Variants in PAPPA observed in about 807,000 individuals in gnomAD.
PAPPA encodes pappalysin-1.
PAPPA carries 60 observed loss-of-function variants against 164.0 expected under a neutral mutation model. The ratio of observed to expected loss-of-function variants is 0.37; its 90% CI spans 0.30 to 0.45. PAPPA has a LOEUF of 0.45. Ranked by LOEUF, PAPPA falls within the 20% of genes least tolerant of loss-of-function variation. PAPPA has a pLI of 1.00. For missense variants in PAPPA, 1,782 were observed against 2,087.3 expected, an observed-to-expected ratio of 0.85 and a Z score of 2.85; for synonymous variants, 875 against 814.1, an observed-to-expected ratio of 1.07 and a Z score of -1.27.
chr9:116,170,874 AG>A (rs1843768686), intron 1 of PAPPA, among the ~76,000 whole-genome samples: 1 of 114,184 alleles, frequency 8.8e-6, no homozygotes. Context: ...TGCCGCTGTG[AG>A]TTCTTAAAAA....
At chr9:116,207,733 CT>C (rs1564184248) in intron 3 of PAPPA, 132 bp downstream of exon 3, 1 of 648,114 alleles carries the variant, frequency 1.5e-6, no homozygotes, top group Non-Finnish European at 2.3e-6. Flanking sequence ...TTATTTATCA[CT>C]TTTTAATTTA....
intron 14 of PAPPA, among the ~76,000 whole-genome samples, chr9:116,346,132 A>G (rs1300707875): frequency 6.6e-6 from 1 of 151,982 alleles, no homozygotes; most frequent in Non-Finnish European, 1.5e-5. Flanking sequence ...AAGAGGGAAA[A>G]TGTCCTTTGC....
At chr9:116,222,165 C>G (rs950717077) in intron 5 of PAPPA, among the ~76,000 whole-genome samples, 1 of 152,184 alleles carries the variant, frequency 6.6e-6, no homozygotes, top group Admixed American at 6.5e-5. Flanking sequence ...GAGATTGCTA[C>G]ACTCCCATGT....
chr9:116,204,895 T>TG (rs1192744733), intron 2 of PAPPA, among the ~76,000 whole-genome samples: 1 of 150,048 alleles, frequency 6.7e-6, no homozygotes, highest in Non-Finnish European at 1.5e-5. Context: ...TTGACAAAAG[T>TG]GAAAAAAAAA....
chr9:116,199,319 G>C (rs115036752), intron 2 of PAPPA, among the ~76,000 whole-genome samples: 1 of 152,188 alleles, frequency 6.6e-6, no homozygotes, highest in Non-Finnish European at 1.5e-5. Context: ...AATAAAGGGG[G>C]CTTTGATATG....
chr9:116,239,837 T>A (rs1367068861), intron 7 of PAPPA, among the ~76,000 whole-genome samples: 1 of 152,102 alleles, frequency 6.6e-6, no homozygotes, highest in Non-Finnish European at 1.5e-5. Flanking sequence ...AAGCTCTAAA[T>A]ATAGCAAGGG....
In PAPPA at chr9:116,157,395, A is replaced by G. The variant is rs556354542; in HGVS notation, c.415+2808A>G. Among the ~76,000 whole-genome samples the G allele has an allele frequency of 2.6e-5, 4 of 152,320 alleles. No individual in the cohort carries two copies. In the East Asian group the frequency reaches 7.7e-4, roughly 29 times the overall value. On this transcript the variant is annotated intron_variant, in intron 1 of 21. Coordinates refer to ENST00000328252, the MANE Select transcript of PAPPA (RefSeq NM_002581.5). The stretch of plus-strand genomic sequence containing the variant: ...GAAAGGAAAGGAGAAAAATATATAT[A>G]CTAATACATAAAAAAAGGGAAGGCT...
chr9:116,315,517 GCTTC>G (rs1309277393), intron 10 of PAPPA, among the ~76,000 whole-genome samples: 1 of 152,238 alleles, frequency 6.6e-6, no homozygotes, highest in Non-Finnish European at 1.5e-5. Context: ...GTAGGAAACA[GCTTC>G]TGGAGGCTGA....
At chr9:116,173,586 A>G (rs1268257911) in intron 1 of PAPPA, among the ~76,000 whole-genome samples, 3 of 152,180 alleles carry the variant, frequency 2.0e-5, no homozygotes, top group Admixed American at 1.3e-4. Context: ...CAGCCATTGT[A>G]CTTCATTTCC....
chr9:116,179,625 A>G (rs1358734232), intron 1 of PAPPA, among the ~76,000 whole-genome samples: 1 of 152,068 alleles, frequency 6.6e-6, no homozygotes, highest in African/African-American at 2.4e-5. Context: ...TCCCCCAGGT[A>G]CCCTCCTCGG....
chr9:116,383,050 G>A (rs1053835342), intron 21 of PAPPA, among the ~76,000 whole-genome samples: 3 of 152,188 alleles, frequency 2.0e-5, no homozygotes, highest in Non-Finnish European at 4.4e-5. Flanking sequence ...TAGAATTAGA[G>A]AAAGATGGTC....
In PAPPA at chr9:116,344,569, C is replaced by G. The variant is rs1846182093; in HGVS notation, c.3638C>G (p.Thr1213Ser). 5 of 1,613,706 alleles carry G rather than the reference C, an allele frequency of 3.1e-6. No individual in the cohort carries two copies. The highest frequency in any genetic ancestry group is 2.2e-5 in the South Asian group (2 of 91,070). Residue 1213 changes from threonine to serine, a missense_variant, in exon 14 of 22, where the codon ACT (threonine) becomes AGT (serine). By Grantham distance (58) the Thr-to-Ser change is moderately conservative. Around this residue, in one of 2 missense-constraint regions of PAPPA, gnomAD observed 1,324 missense variants for 1,656.9 expected, o/e 0.80. Transcript: ENST00000328252. ...TGCGTGCACTTCGCATGTGAGAAAACTGACTGTCCAGAGCTGGCTGTGGAG... is the reference window on the plus strand; with the variant it reads ...TGCGTGCACTTCGCATGTGAGAAAAGTGACTGTCCAGAGCTGGCTGTGGAG... ...QSCVHFACEK[T>S]DCPELAVENA...
intron 7 of PAPPA, among the ~76,000 whole-genome samples, chr9:116,242,882 G>GA (rs1844752415): frequency 6.6e-6 from 1 of 152,110 alleles, no homozygotes; most frequent in African/African-American, 2.4e-5. Flanking sequence ...ACTTTGATGG[G>GA]AAAAATATGA....
At chr9:116,186,831 A>G (rs1408160603) in intron 1 of PAPPA, among the ~76,000 whole-genome samples, 1 of 152,186 alleles carries the variant, frequency 6.6e-6, no homozygotes, top group Non-Finnish European at 1.5e-5. Context: ...CAACAACTTC[A>G]TTAGATGAAG....
intron 1 of PAPPA, among the ~76,000 whole-genome samples, chr9:116,169,735 G>T (rs1245070511): frequency 2.7e-5 from 4 of 150,780 alleles, no homozygotes; most frequent in Non-Finnish European, 4.4e-5. Context: ...TGGCACACTA[G>T]ATTTTTTTTT....
rs114632776 is a variant in PAPPA, at chr9:116,246,555, G to A, written c.2732+10918G>A. On this transcript the variant is annotated intron_variant, in intron 7 of 21. Transcript: ENST00000328252. Reference sequence around the variant, plus strand: ...GGAAGAGTTAGAGGTGAGATTCTTAGCCACTTCAACCTTGTGCCTCTTATA... The same window carrying A: ...GGAAGAGTTAGAGGTGAGATTCTTAACCACTTCAACCTTGTGCCTCTTATA... Among the ~76,000 whole-genome samples the A allele has an allele frequency of 4.2e-3, 646 of 152,246 alleles. 6 individuals are homozygous for A. The highest frequency in any genetic ancestry group is 0.015 in the African/African-American group (623 of 41,540).
In PAPPA at chr9:116,265,909, A is replaced by T; in HGVS notation, c.2785A>T (p.Thr929Ser). The stretch of plus-strand genomic sequence containing the variant: ...GTATTGGGTCATAACTATTTCAGGA[A>T]CTGAAGAGAGTGAGCCATCACCTGC... ...YQYWVITISG[T>S]EESEPSPAVT... The change falls in exon 8 of 22, where the codon ACT (threonine) becomes TCT (serine). Residue 929 changes from threonine (T) to serine (S), a missense_variant. By Grantham distance (58) the Thr-to-Ser change is moderately conservative (BLOSUM62 1). Coordinates refer to ENST00000328252, the MANE Select transcript of PAPPA (RefSeq NM_002581.5). 6.2e-7 allele frequency: 1 copy of T among 1,611,832 alleles called. No individual in the cohort carries two copies. The highest frequency in any genetic ancestry group is 8.5e-7 in the Non-Finnish European group (1 of 1,177,928).
Position 116,319,320 on chromosome 9 carries a change from C to G in PAPPA, c.3148-11924C>G, listed in dbSNP as rs775578692. Among the ~76,000 whole-genome samples, 44 of 152,322 alleles carry G rather than the reference C, an allele frequency of 2.9e-4. No individual in the cohort carries two copies. In the Middle Eastern group the frequency reaches 0.014, roughly 47 times the overall value. Reference sequence around the variant, plus strand: ...GATTTACTAGCTGGAGGAGCTCAAGCCCCCTGCCCATCTCCTCCTCAAAAC... The same window carrying G: ...GATTTACTAGCTGGAGGAGCTCAAGGCCCCTGCCCATCTCCTCCTCAAAAC... On this transcript the variant is annotated intron_variant, in intron 10 of 21. Transcript: ENST00000328252.
Position 116,305,176 on chromosome 9 carries a change from C to CACACACAT in PAPPA, c.3147+2226_3147+2227insACACACAT, listed in dbSNP as rs1554750322. Among the ~76,000 whole-genome samples, 179 of 149,380 alleles carry CACACACAT rather than the reference C, an allele frequency of 1.2e-3. 2 individuals are homozygous for CACACACAT. The highest frequency in any genetic ancestry group is 0.01 in the Admixed American group (153 of 14,952). On this transcript the variant is annotated intron_variant, in intron 10 of 21. Coordinates refer to ENST00000328252, the MANE Select transcript of PAPPA (RefSeq NM_002581.5). ...ACACACACACACACACACACACACA[C>CACACACAT]GGAGTCTGCATAATTAGAGGTAAAG...
Sources: allele counts gnomAD v4.1 joint callset (sites outside exome capture counted in the v4.1 genomes callset), GRCh38; gene constraint gnomAD v4.1.1; regional missense constraint gnomAD v4.1.1; transcripts MANE v1.5; gene names NCBI Gene and HGNC (gene_info 2026-07-23, HGNC 2026-07-21).